Variants in WWP1 observed in about 807,000 individuals in gnomAD.
WWP1 encodes WW domain containing E3 ubiquitin protein ligase 1, also known as NEDD4-like E3 ubiquitin-protein ligase WWP1.
A neutral mutation model predicts 130.6 loss-of-function variants in WWP1; 49 were observed. That is an observed-to-expected ratio of 0.38 (90% confidence interval 0.30 to 0.48). The LOEUF is 0.48. Ranked by LOEUF, WWP1 falls within the 20% of genes least tolerant of loss-of-function variation. The probability of loss-of-function intolerance (pLI) is 0.99; values close to 1 mark genes in which losing one functional copy is unlikely to be tolerated. For missense variants in WWP1, 809 were observed against 1,100.6 expected, an observed-to-expected ratio of 0.74 and a Z score of 3.75; for synonymous variants, 332 against 367.8, an observed-to-expected ratio of 0.90 and a Z score of 1.11.
intron 7 of WWP1, among the ~76,000 whole-genome samples, chr8:86,400,207 C>G (rs1807893403): frequency 6.6e-6 from 1 of 151,976 alleles, no homozygotes; most frequent in African/African-American, 2.4e-5. Context: ...TGGTGCGCAC[C>G]TGTAATCCCA....
intron 1 of WWP1, among the ~76,000 whole-genome samples, chr8:86,355,658 C>T (rs1395274226): frequency 6.6e-6 from 1 of 152,174 alleles, no homozygotes; most frequent in Admixed American, 6.6e-5. Flanking sequence ...TGATCTCTAA[C>T]AGCTTACCTA....
chr8:86,464,066 AAAC>A (rs1289240567), intron 24 of WWP1, among the ~76,000 whole-genome samples: 5 of 152,004 alleles, frequency 3.3e-5, no homozygotes, highest in Non-Finnish European at 7.3e-5. Flanking sequence ...GTCTCAAAAA[AAAC>A]AAAAAAAAGA....
Position 86,381,552 on chromosome 8 carries a change from G to A in WWP1, c.257G>A (p.Arg86His), listed in dbSNP as rs371650373. 127 of 1,610,856 alleles carry A rather than the reference G, an allele frequency of 7.9e-5. No homozygotes were observed. In the African/African-American group the frequency reaches 1.2e-3, roughly 15 times the overall value. ...TTGGAATTTCAAGTTTGGAGCCATC[G>A]CACTTTAAAAGCAGATGCTTTATTA... Reference protein sequence around the residue: ...TTLEFQVWSHRTLKADALLGK... With the variant: ...TTLEFQVWSHHTLKADALLGK... Residue 86 changes from arginine to histidine, a missense_variant, in exon 5 of 25, where the codon CGC (arginine) becomes CAC (histidine). Transcript: ENST00000517970.
chr8:86,419,797 TAG>T (rs1809096619), intron 9 of WWP1, among the ~76,000 whole-genome samples: 1 of 152,212 alleles, frequency 6.6e-6, no homozygotes, highest in Admixed American at 6.5e-5. Context: ...GTGAAAATTT[TAG>T]TACATTGGGG....
chr8:86,435,896 C>T (rs924850682), intron 16 of WWP1, among the ~76,000 whole-genome samples, 192 bp downstream of exon 16: 3 of 152,048 alleles, frequency 2.0e-5, no homozygotes, highest in African/African-American at 7.2e-5. Context: ...GATGGAATTT[C>T]GCCATGTTGC....
At chr8:86,466,254 A>G (rs898724989) in intron 24 of WWP1, among the ~76,000 whole-genome samples, 2 of 152,232 alleles carry the variant, frequency 1.3e-5, no homozygotes, top group Non-Finnish European at 2.9e-5. Context: ...CAAGATTGAA[A>G]AAGTGTCATT....
At chr8:86,431,187 A>T (rs1809951682) in intron 12 of WWP1, among the ~76,000 whole-genome samples, 1 of 140,274 alleles carries the variant, frequency 7.1e-6, no homozygotes, top group African/African-American at 2.6e-5. Context: ...AATTATCTAT[A>T]ATATAATATA....
chr8:86,381,690 T>A, intron 5 of WWP1, 61 bp downstream of exon 5: 1 of 1,425,532 alleles, frequency 7.0e-7, no homozygotes, highest in East Asian at 2.6e-5. Flanking sequence ...TTTGAACATA[T>A]CCTGAATCCT....
At position 86,355,877 on chromosome 8, in the gene WWP1, C is replaced by T. The variant is rs539050416; in HGVS notation, c.-115+12947C>T. ...TAAGGCATGGGTTAGCTCAGCACTT[C>T]TTATTTTATATTTTGTTTCTGCAGT... is the stretch of plus-strand genomic sequence containing the variant. On this transcript the variant is annotated intron_variant, in intron 1 of 24. Coordinates refer to ENST00000517970, the MANE Select transcript of WWP1 (RefSeq NM_007013.4). 1.8e-3 allele frequency among the ~76,000 whole-genome samples: 274 copies of T among 152,264 alleles called. 2 individuals are homozygous for T. Among genetic ancestry groups the T allele is most frequent in the Non-Finnish European group, 2.8e-3 (188 of 68,016 alleles).
intron 5 of WWP1, among the ~76,000 whole-genome samples, chr8:86,395,411 TA>T (rs1807603265): frequency 7.8e-5 from 1 of 12,766 alleles, no homozygotes; most frequent in African/African-American, 7.8e-4. Context: ...TTTGAGGAGA[TA>T]TATTTTAAGA....
chr8:86,348,418 A>C (rs1025293118), intron 1 of WWP1, among the ~76,000 whole-genome samples: 1 of 152,176 alleles, frequency 6.6e-6, no homozygotes, highest in African/African-American at 2.4e-5. Context: ...GGGTTTCTCC[A>C]TGTTGGTCAG....
chr8:86,422,226 T>C (rs1225980225), intron 9 of WWP1, among the ~76,000 whole-genome samples: 1 of 152,166 alleles, frequency 6.6e-6, no homozygotes, highest in African/African-American at 2.4e-5. Context: ...CACTGCCTTC[T>C]CGAGTTCTTG....
chr8:86,427,913 A>G (rs1809724040), intron 11 of WWP1, 96 bp downstream of exon 11: 4 of 1,253,278 alleles, frequency 3.2e-6, no homozygotes, highest in Non-Finnish European at 4.3e-6. Flanking sequence ...TCACATATCT[A>G]TTTTGGTGAT....
At chr8:86,452,240 T>C (rs1473960249) in intron 20 of WWP1, among the ~76,000 whole-genome samples, 1 of 152,190 alleles carries the variant, frequency 6.6e-6, no homozygotes, top group Non-Finnish European at 1.5e-5. Context: ...AAACAGGAAA[T>C]AATTAGTGCT....
At position 86,361,725 on chromosome 8, in the gene WWP1, A is replaced by T. The variant is rs1187379135; in HGVS notation, c.-114-7214A>T. ...TTGGAGTCCTCCACAACTCATCTCA[A>T]CTGTTACCATTTCTCAGAATTCTTT... On this transcript the variant is annotated intron_variant, in intron 1 of 24. Coordinates refer to ENST00000517970, the MANE Select transcript of WWP1 (RefSeq NM_007013.4). 2.6e-5 allele frequency among the ~76,000 whole-genome samples: 4 copies of T among 151,812 alleles called. No homozygotes were observed. In the South Asian group the frequency reaches 6.2e-4, roughly 24 times the overall value.
chr8:86,365,827 A>T (rs534771022), intron 1 of WWP1, among the ~76,000 whole-genome samples: 9 of 152,310 alleles, frequency 5.9e-5, no homozygotes, highest in African/African-American at 2.2e-4. Context: ...AAAAGAAATC[A>T]CATAGCTTCT....
At chr8:86,389,696 A>G (rs944893548) in intron 5 of WWP1, among the ~76,000 whole-genome samples, 1 of 151,538 alleles carries the variant, frequency 6.6e-6, no homozygotes, top group Non-Finnish European at 1.5e-5. Context: ...GGTGGCGGCC[A>G]GGCAGACGGG....
chr8:86,343,806 CTG>C (rs780147811), intron 1 of WWP1, among the ~76,000 whole-genome samples: 4 of 151,746 alleles, frequency 2.6e-5, no homozygotes, highest in Non-Finnish European at 4.4e-5. Context: ...AAATTTTTTT[CTG>C]TGTGTGTGTA....
chr8:86,400,048 A>T (rs1012843513), intron 7 of WWP1, among the ~76,000 whole-genome samples: 1 of 152,154 alleles, frequency 6.6e-6, no homozygotes, highest in African/African-American at 2.4e-5. Context: ...GGTAGATAGT[A>T]GACTGGGCAT....
Sources: gnomAD v4.1 joint callset for allele counts (sites outside exome capture counted in the v4.1 genomes callset) on GRCh38, gnomAD v4.1.1 for gene constraint, MANE v1.5 for transcripts, NCBI Gene and HGNC (gene_info 2026-07-23, HGNC 2026-07-21) for gene names.